Variants in ABI3BP observed in about 807,000 individuals in gnomAD.
ABI3BP encodes target of Nesh-SH3.
A neutral mutation model predicts 268.6 loss-of-function variants in ABI3BP; 216 were observed. That is an observed-to-expected ratio of 0.80 (90% CI 0.72 to 0.90). The LOEUF is 0.90. Ranked by LOEUF, ABI3BP falls within the 40% of genes least tolerant of loss-of-function variation. ABI3BP has a pLI of 0.00. For missense variants in ABI3BP, 2,090 were observed against 2,182.4 expected (o/e 0.96, Z 0.84); for synonymous variants, 730 against 730.0 (o/e 1.00, Z 0.00).
At chr3:100,942,918 A>G (rs547604188) in intron 1 of ABI3BP, among the ~76,000 whole-genome samples, 52 of 152,270 alleles carry the variant, frequency 3.4e-4, no homozygotes, top group Non-Finnish European at 6.2e-4. Context: ...TATTCAACAC[A>G]GTATGGAGAA....
intron 64 of ABI3BP, among the ~76,000 whole-genome samples, 200 bp downstream of exon 64, chr3:100,754,412 A>G (rs1316698421): frequency 2.0e-5 from 3 of 152,202 alleles, no homozygotes; most frequent in African/African-American, 4.8e-5. Flanking sequence ...TTTTTAAATT[A>G]AACTGATGTG....
intron 53 of ABI3BP, 148 bp from the exon 54 acceptor site, chr3:100,795,151 C>T (rs1404820521): frequency 1.4e-5 from 8 of 566,484 alleles, no homozygotes; most frequent in East Asian, 1.3e-4. Flanking sequence ...AAAATGACTG[C>T]GGAATATTAG....
At position 100,923,371 on chromosome 3, in the gene ABI3BP, T is replaced by C. The variant is rs1011864910; in HGVS notation, c.259+2931A>G. ...GTGCCTATCTACCTAATGTAAATTATTTTGATATGAATAACCAAAGAATAA... is the reference window on the plus strand; with the variant it reads ...GTGCCTATCTACCTAATGTAAATTACTTTGATATGAATAACCAAAGAATAA... On this transcript the variant is annotated intron_variant, in intron 2 of 67. Transcript: ENST00000471714. 1.1e-4 allele frequency among the ~76,000 whole-genome samples: 16 copies of C among 152,342 alleles called. No individual in the cohort carries two copies. In the East Asian group the frequency reaches 1.7e-3, roughly 17 times the overall value.
rs950574699 is a variant in ABI3BP at position 100,803,221 on chromosome 3, T to C, written c.3757+1571A>G. Among the ~76,000 whole-genome samples, 18 of 145,864 alleles carry C rather than the reference T, an allele frequency of 1.2e-4. 2 individuals are homozygous for C. Among genetic ancestry groups the C allele is most frequent in the African/African-American group, 4.4e-4 (18 of 41,072 alleles). ...TCGTTCAAACTCTGGATAAAAAGAA[T>C]AAATAGGGATAGTTGTTAACTATTT... On this transcript the variant is annotated intron_variant, in intron 51 of 67. Transcript: ENST00000471714.
At chr3:100,867,023 A>T in intron 9 of ABI3BP, 67 bp from the exon 10 acceptor site, 1 of 1,206,380 alleles carries the variant, frequency 8.3e-7, no homozygotes, top group Non-Finnish European at 1.2e-6. Flanking sequence ...CTCAATGCAT[A>T]ATCAAGTAGC....
intron 1 of ABI3BP, among the ~76,000 whole-genome samples, chr3:100,986,667 G>A (rs780421352): frequency 3.9e-5 from 6 of 151,986 alleles, no homozygotes; most frequent in East Asian, 1.9e-4. Context: ...GGGTTTCACC[G>A]TGTTGACTAG....
At chr3:100,951,710 G>A (rs1192920302) in intron 1 of ABI3BP, among the ~76,000 whole-genome samples, 4 of 151,962 alleles carry the variant, frequency 2.6e-5, no homozygotes, top group Non-Finnish European at 5.9e-5. Context: ...AAAACATGGA[G>A]AAGTCCAAAT....
chr3:100,953,902 A>G (rs1430962212), intron 1 of ABI3BP, among the ~76,000 whole-genome samples: 4 of 152,208 alleles, frequency 2.6e-5, no homozygotes, highest in South Asian at 2.1e-4. Context: ...AAAAGAAAGG[A>G]TCATGCTCAT....
At chr3:100,774,732 T>C (rs1311336862) in intron 60 of ABI3BP, 59 bp from the exon 61 acceptor site, 3 of 1,298,752 alleles carry the variant, frequency 2.3e-6, no homozygotes, top group Non-Finnish European at 3.2e-6. Context: ...CACAATACAA[T>C]GAAAAAGTTG....
intron 14 of ABI3BP, among the ~76,000 whole-genome samples, chr3:100,854,333 T>C (rs2098913711): frequency 6.6e-6 from 1 of 152,104 alleles, no homozygotes; most frequent in African/African-American, 2.4e-5. Flanking sequence ...CACTCTAGCC[T>C]GCACGACAGC....
At chr3:100,849,503 C>A (rs775453967) in intron 17 of ABI3BP, among the ~76,000 whole-genome samples, 1 of 152,114 alleles carries the variant, frequency 6.6e-6, no homozygotes, top group Non-Finnish European at 1.5e-5. Flanking sequence ...GGATTACAGG[C>A]GTGAGGCACC....
At chr3:100,866,260 G>C (rs2099050045) in intron 10 of ABI3BP, among the ~76,000 whole-genome samples, 1 of 152,276 alleles carries the variant, frequency 6.6e-6, no homozygotes, top group African/African-American at 2.4e-5. Context: ...AAAAACTCTA[G>C]CTCAAAGATT....
intron 1 of ABI3BP, among the ~76,000 whole-genome samples, chr3:100,978,038 A>G (rs1319228658): frequency 6.6e-6 from 1 of 152,186 alleles, no homozygotes; most frequent in African/African-American, 2.4e-5. Context: ...GACTTCTTCA[A>G]GAAGCTCAAT....
At chr3:100,822,768 A>G in intron 37 of ABI3BP, 96 bp from the exon 38 acceptor site, 1 of 1,065,664 alleles carries the variant, frequency 9.4e-7, no homozygotes, top group Non-Finnish European at 1.4e-6. Flanking sequence ...TGCTTGATAG[A>G]TATTTGCCTT....
Position 100,828,412 on chromosome 3 carries a change from C to A in ABI3BP, c.2583G>T (p.Glu861Asp), listed in dbSNP as rs1225444068. Residue 861 changes from glutamate to aspartate, a missense_variant, in exon 34 of 68, where the codon GAG becomes GAT. By Grantham distance (45) the Glu-to-Asp change is conservative. Transcript: ENST00000471714. ...CATTACCGAATGTTGTCCCTGGAGC[C>A]TCTTTTATAGGAGAAACTGGTTCAA... ...TIFEPVSPIK[E>D]APGTTFVPVT... 2.9e-5 allele frequency: 45 copies of A among 1,535,222 alleles called. No individual in the cohort carries two copies. Among genetic ancestry groups the A allele is most frequent in the Non-Finnish European group, 3.6e-5 (41 of 1,146,432 alleles).
At chr3:100,820,823 G>A (rs891259537) in intron 39 of ABI3BP, among the ~76,000 whole-genome samples, 1 of 152,146 alleles carries the variant, frequency 6.6e-6, no homozygotes, top group Admixed American at 6.5e-5. Flanking sequence ...AATTTCAGAT[G>A]GTTACATAGC....
intron 40 of ABI3BP, 89 bp from the exon 41 acceptor site, chr3:100,818,670 T>C: frequency 1.9e-6 from 2 of 1,071,830 alleles, no homozygotes; most frequent in Non-Finnish European, 2.7e-6. Flanking sequence ...TATAGCAATT[T>C]TAAGAAATTT....
At chr3:100,894,946 A>AAAAAAAAAAAAAAAAAAAAAC (rs1561383575) in intron 4 of ABI3BP, among the ~76,000 whole-genome samples, 5 of 104,486 alleles carry the variant, frequency 4.8e-5, no homozygotes, top group Non-Finnish European at 9.8e-5. Context: ...TTCAAAAAAA[A>AAAAAAAAAAAAAAAAAAAAAC]AAAAAAAAAA....
Position 100,815,930 on chromosome 3 carries a change from C to T in ABI3BP, c.3271G>A (p.Ala1091Thr). The T allele has an allele frequency of 6.6e-7, 1 of 1,525,926 alleles. No individual in the cohort carries two copies. The highest frequency in any genetic ancestry group is 1.2e-5 in the South Asian group (1 of 81,596). The allele number at this position is 1,525,926 out of a possible 1,614,324, so 94.5% of individuals were successfully genotyped here. A position where few individuals can be genotyped will look rare whatever the true frequency, so the allele number is the denominator to read the frequency against. The change falls in exon 44 of 68, where the codon GCT becomes ACT. Residue 1091 changes from alanine to threonine, a missense_variant. Transcript: ENST00000471714. ...TCATTACCAAATGTTGTTCCTGGAG[C>T]ATCAGTACTATGAACAACAGGTTCA... Reference protein sequence around the residue: ...GFEPVVHSTDAPGTTFALTEL... With the variant: ...GFEPVVHSTDTPGTTFALTEL...
Sources: allele counts gnomAD v4.1 joint callset (sites outside exome capture counted in the v4.1 genomes callset), GRCh38; gene constraint gnomAD v4.1.1; transcripts MANE v1.5; gene names NCBI Gene and HGNC (gene_info 2026-07-23, HGNC 2026-07-21).